The following ODAD2 variants were observed in gnomAD, a reference collection of about 807,000 sequenced individuals.
The protein encoded by ODAD2 is outer dynein arm-docking complex subunit 2.
Under a neutral mutation model 106.8 loss-of-function variants are expected in ODAD2, and 89 were observed. The observed-to-expected ratio is 0.83, with a 90% CI of 0.70 to 0.99. The LOEUF (loss-of-function observed/expected upper bound fraction) is 0.99, where lower values mean the gene tolerates loss of function less well. ODAD2 is among the 50% of genes least tolerant of loss of function. The pLI is 0.00. For synonymous variants in ODAD2, 404 were observed against 436.2 expected, an observed-to-expected ratio of 0.93 and a Z score of 0.92; for missense variants, 1,168 against 1,238.5, an observed-to-expected ratio of 0.94 and a Z score of 0.85.
At chr10:27,874,675 T>C (rs2133481848) in intron 17 of ODAD2, among the ~76,000 whole-genome samples, 1 of 152,346 alleles carries the variant, frequency 6.6e-6, no homozygotes, top group East Asian at 1.9e-4. Context: ...GAATGTTGAA[T>C]ATTGGCCTCC....
chr10:27,854,438 AAACC>A (rs1487648760), intron 19 of ODAD2, among the ~76,000 whole-genome samples: 3 of 152,186 alleles, frequency 2.0e-5, no homozygotes, highest in Admixed American at 2.0e-4. Context: ...GTAACAACCC[AAACC>A]GGAAATAAAT....
chr10:27,862,489 A>G lies in ODAD2; in HGVS notation c.2744T>C (p.Leu915Ser). The G allele has an allele frequency of 6.2e-7, 1 of 1,612,690 alleles. No individual in the cohort carries two copies. Among genetic ancestry groups the G allele is most frequent in the Non-Finnish European group, 8.5e-7 (1 of 1,179,420 alleles). The change falls in exon 18 of 20, where the codon TTA becomes TCA. Residue 915 changes from leucine to serine, a missense_variant. By Grantham distance (145) the Leu-to-Ser change is moderately radical. Coordinates refer to ENST00000305242, the MANE Select transcript of ODAD2 (RefSeq NM_018076.5). ...ITNIAKDQEN[L>S]AVITDHGVVP... ...AACTCCATGATCTGTGATAACAGCT[A>G]AATTTTCTTGATCTTTTGCTATGTT...
chr10:27,843,092 T>G (rs935065933), intron 19 of ODAD2, among the ~76,000 whole-genome samples: 1 of 152,220 alleles, frequency 6.6e-6, no homozygotes, highest in Non-Finnish European at 1.5e-5. Context: ...GGCCACATGT[T>G]ATATATTCCC....
intron 19 of ODAD2, among the ~76,000 whole-genome samples, chr10:27,844,431 C>T (rs1432292409): frequency 2.0e-5 from 3 of 152,146 alleles, no homozygotes; most frequent in African/African-American, 7.2e-5. Flanking sequence ...CAGAGTTTCT[C>T]AACCAGGCTC....
chr10:27,836,832 T>A (rs907590776), intron 19 of ODAD2, among the ~76,000 whole-genome samples: 1 of 152,224 alleles, frequency 6.6e-6, no homozygotes, highest in African/African-American at 2.4e-5. Flanking sequence ...TTTCATTGAA[T>A]AATTATCAGA....
At chr10:27,984,075 A>T in intron 5 of ODAD2, 96 bp from the exon 6 acceptor site, 1 of 1,525,230 alleles carries the variant, frequency 6.6e-7, no homozygotes, top group African/African-American at 1.4e-5. Flanking sequence ...GGAAATTTTA[A>T]GCTTTCCCCT....
intron 19 of ODAD2, among the ~76,000 whole-genome samples, chr10:27,814,142 C>A (rs1460932289): frequency 6.6e-6 from 1 of 151,940 alleles, no homozygotes; most frequent in East Asian, 1.9e-4. Context: ...ATTTATTGGG[C>A]AAAATGGGGG....
chr10:27,965,373 G>C (rs1203149267), intron 9 of ODAD2, among the ~76,000 whole-genome samples: 1 of 152,170 alleles, frequency 6.6e-6, no homozygotes, highest in East Asian at 1.9e-4. Flanking sequence ...TTCAATAACT[G>C]CAAGAAAGGA....
chr10:27,840,950 C>T (rs1353528940), intron 19 of ODAD2, among the ~76,000 whole-genome samples: 1 of 152,168 alleles, frequency 6.6e-6, no homozygotes, highest in East Asian at 1.9e-4. Flanking sequence ...GTAATGCCTG[C>T]ACCACAGGGG....
At chr10:27,822,631 T>C (rs981709133) in intron 19 of ODAD2, among the ~76,000 whole-genome samples, 2 of 152,220 alleles carry the variant, frequency 1.3e-5, no homozygotes, top group Non-Finnish European at 2.9e-5. Flanking sequence ...ACATCCAGAC[T>C]CTGAGCCTCG....
At chr10:27,966,719 G>T (rs1416370361) in intron 9 of ODAD2, among the ~76,000 whole-genome samples, 1 of 152,168 alleles carries the variant, frequency 6.6e-6, no homozygotes, top group Admixed American at 6.5e-5. Flanking sequence ...AATAGCTGTT[G>T]CTTGGATACA....
At chr10:27,813,396 C>T (rs1564387218) in intron 19 of ODAD2, 1 of 152,304 alleles carries the variant, frequency 6.6e-6, no homozygotes, top group East Asian at 1.9e-4. Flanking sequence ...CCCTTTTCAA[C>T]AGATAATTGG....
chr10:27,818,192 G>C (rs1292941014), intron 19 of ODAD2, among the ~76,000 whole-genome samples: 3 of 151,694 alleles, frequency 2.0e-5, no homozygotes, highest in African/African-American at 7.3e-5. Context: ...TCTGCTTTCT[G>C]ATCTTTAAAT....
chr10:27,815,867 T>C (rs1033507653), intron 19 of ODAD2, among the ~76,000 whole-genome samples: 3 of 152,172 alleles, frequency 2.0e-5, no homozygotes, highest in Non-Finnish European at 4.4e-5. Context: ...ACACTTCATA[T>C]CCAACACTTC....
At chr10:27,988,406 C>T (rs1185119246) in intron 2 of ODAD2, among the ~76,000 whole-genome samples, 5 of 147,570 alleles carry the variant, frequency 3.4e-5, no homozygotes, top group Non-Finnish European at 5.9e-5. Flanking sequence ...GGCGTGATCT[C>T]GGGTCACTGC....
chr10:27,989,814 A>G (rs1850111894), intron 2 of ODAD2, among the ~76,000 whole-genome samples: 1 of 152,178 alleles, frequency 6.6e-6, no homozygotes, highest in Admixed American at 6.5e-5. Flanking sequence ...ACACCACTGC[A>G]CTCCAACCTG....
intron 10 of ODAD2, among the ~76,000 whole-genome samples, chr10:27,955,904 A>AGCCC (rs766089550): frequency 3.7e-4 from 56 of 152,262 alleles, no homozygotes; most frequent in Non-Finnish European, 6.8e-4. Context: ...TGAAGCTGGC[A>AGCCC]GCCCGGTGGC....
At chr10:27,880,353 T>A (rs1174490289) in intron 17 of ODAD2, among the ~76,000 whole-genome samples, 1 of 152,198 alleles carries the variant, frequency 6.6e-6, no homozygotes, top group Non-Finnish European at 1.5e-5. Context: ...AAATAATTTA[T>A]CTGAGCATTC....
chr10:27,949,214 C>A (rs924045314), intron 10 of ODAD2, among the ~76,000 whole-genome samples: 3 of 152,116 alleles, frequency 2.0e-5, no homozygotes, highest in African/African-American at 7.2e-5. Flanking sequence ...ATTTGCCATG[C>A]TGGATGGTTA....
Sources: gnomAD v4.1 joint callset for allele counts (sites outside exome capture counted in the v4.1 genomes callset) on GRCh38, gnomAD v4.1.1 for gene constraint, MANE v1.5 for transcripts, NCBI Gene and HGNC (gene_info 2026-07-23, HGNC 2026-07-21) for gene names.